The following RALYL variants were observed in gnomAD, a reference collection of about 807,000 sequenced individuals.
RALYL encodes the protein RALY RNA binding protein like.
In RALYL, 29 loss-of-function variants were observed where a neutral mutation model predicts 35.1. The observed-to-expected ratio is 0.83, with a 90% CI of 0.61 to 1.13. The LOEUF (loss-of-function observed/expected upper bound fraction) is 1.13, where lower values mean the gene tolerates loss of function less well. Among genes scored for constraint, RALYL ranks in the 50% most tolerant of loss-of-function variants. The pLI is 0.00. For synonymous variants in RALYL, 120 were observed against 127.6 expected (o/e 0.94, Z 0.40); for missense variants, 359 against 360.4 (o/e 1.00, Z 0.03).
intron 1 of RALYL, among the ~76,000 whole-genome samples, chr8:84,343,172 A>G (rs1387065099): frequency 3.3e-5 from 5 of 151,972 alleles, no homozygotes; most frequent in African/African-American, 1.2e-4. Flanking sequence ...TTCCACAGAG[A>G]GGTATGGAGG....
At chr8:84,815,321 A>G (rs1826918154) in intron 4 of RALYL, among the ~76,000 whole-genome samples, 1 of 150,636 alleles carries the variant, frequency 6.6e-6, no homozygotes, top group Non-Finnish European at 1.5e-5. Context: ...AAAATATTAA[A>G]TAATATAATT....
At chr8:84,433,132 T>A (rs1018178967) in intron 1 of RALYL, among the ~76,000 whole-genome samples, 9 of 152,154 alleles carry the variant, frequency 5.9e-5, no homozygotes, top group African/African-American at 1.9e-4. Flanking sequence ...CATCAAACAC[T>A]TCCTGTGTGT....
chr8:84,253,364 A>ATTTT, intron 1 of RALYL, among the ~76,000 whole-genome samples: 1 of 99,536 alleles, frequency 1.0e-5, no homozygotes, highest in Admixed American at 1.0e-4. Flanking sequence ...TAATTTTTGT[A>ATTTT]TTTTTTTTTT....
In RALYL at chr8:84,754,582, G is replaced by C. The variant is rs1312043943; in HGVS notation, c.257-19997G>C. ...ATGTTGAAATCCTCATACTTGAAGA[G>C]TGTTTTTCTAAGGATCCTGCCCTTG... On this transcript the variant is annotated intron_variant, in intron 2 of 8. Transcript: ENST00000521268. 4.6e-5 allele frequency among the ~76,000 whole-genome samples: 7 copies of C among 152,304 alleles called. No individual in the cohort carries two copies. The East Asian group carries it at 1.4e-3, about 29-fold the overall frequency.
intron 1 of RALYL, among the ~76,000 whole-genome samples, chr8:84,457,106 A>T (rs189928824): frequency 6.6e-6 from 1 of 151,964 alleles, no homozygotes; most frequent in East Asian, 1.9e-4. Flanking sequence ...CAACTGTAAC[A>T]CTTCCAGAAT....
chr8:84,627,496 T>G (rs898141846), intron 2 of RALYL, among the ~76,000 whole-genome samples: 2 of 149,420 alleles, frequency 1.3e-5, no homozygotes, highest in Non-Finnish European at 3.0e-5. Flanking sequence ...TTTTCAGTTT[T>G]TATCTCCTAG....
intron 1 of RALYL, among the ~76,000 whole-genome samples, chr8:84,192,017 A>C (rs1814009573): frequency 6.6e-6 from 1 of 152,250 alleles, no homozygotes; most frequent in Non-Finnish European, 1.5e-5. Context: ...CTCAAGTATT[A>C]ATTGCATCTG....
intron 2 of RALYL, among the ~76,000 whole-genome samples, chr8:84,622,526 G>A (rs1181665599): frequency 2.0e-5 from 3 of 152,170 alleles, no homozygotes; most frequent in African/African-American, 7.2e-5. Context: ...AGCAACAAAT[G>A]TGGGGAAAAG....
At chr8:84,224,814 C>A (rs1823439952) in intron 1 of RALYL, among the ~76,000 whole-genome samples, 1 of 151,908 alleles carries the variant, frequency 6.6e-6, no homozygotes, top group South Asian at 2.1e-4. Flanking sequence ...GTGCCACCAA[C>A]CCCAGCTAAT....
chr8:84,853,007 CTATCTT>C (rs1836206247), intron 5 of RALYL, among the ~76,000 whole-genome samples: 2 of 152,188 alleles, frequency 1.3e-5, no homozygotes, highest in African/African-American at 2.4e-5. Flanking sequence ...ATCAATATGA[CTATCTT>C]TAAAGCAAAA....
chr8:84,522,117 T>C (rs938163664), intron 1 of RALYL, among the ~76,000 whole-genome samples: 1 of 152,176 alleles, frequency 6.6e-6, no homozygotes, highest in African/African-American at 2.4e-5. Context: ...TATTTTAAGC[T>C]ATTTTTATTT....
chr8:84,505,815 A>T (rs1211871779), intron 1 of RALYL, among the ~76,000 whole-genome samples: 1 of 152,194 alleles, frequency 6.6e-6, no homozygotes, highest in African/African-American at 2.4e-5. Flanking sequence ...AAGCATTAAA[A>T]TTTTAATAAT....
chr8:84,607,965 C>A (rs750591061), intron 2 of RALYL, among the ~76,000 whole-genome samples: 4 of 150,990 alleles, frequency 2.6e-5, no homozygotes, highest in African/African-American at 4.9e-5. Flanking sequence ...AGTACTCAAT[C>A]GAGTTGCTGT....
chr8:84,570,669 T>C (rs772297883), intron 2 of RALYL, among the ~76,000 whole-genome samples: 2 of 151,816 alleles, frequency 1.3e-5, no homozygotes, highest in Non-Finnish European at 2.9e-5. Flanking sequence ...GTGCCAGTTC[T>C]TAGGGGAATG....
chr8:84,309,142 A>G lies in RALYL; in HGVS notation c.-24+124718A>G, dbSNP rs999682662. ...ACAAAATCACATTCTTATTATAAGT[A>G]AAAAACTTTAATTTGCCTGTCTTAG... On this transcript the variant is annotated intron_variant, in intron 1 of 8. Transcript: ENST00000521268. Among the ~76,000 whole-genome samples the G allele has an allele frequency of 7.3e-5, 11 of 151,484 alleles. 2 individuals are homozygous for G. The South Asian group carries it at 2.3e-3, about 32-fold the overall frequency.
At chr8:84,898,669 C>A (rs1313099193) in intron 8 of RALYL, among the ~76,000 whole-genome samples, 1 of 152,160 alleles carries the variant, frequency 6.6e-6, no homozygotes, top group Non-Finnish European at 1.5e-5. Flanking sequence ...TAAATGCTGG[C>A]AAGGAAGTGG....
chr8:84,498,056 T>C (rs1222616494), intron 1 of RALYL, among the ~76,000 whole-genome samples: 1 of 151,988 alleles, frequency 6.6e-6, no homozygotes, highest in African/African-American at 2.4e-5. Flanking sequence ...TGGGGTTTGA[T>C]TGAACCCATC....
intron 1 of RALYL, among the ~76,000 whole-genome samples, chr8:84,429,965 GA>G (rs944071787): frequency 6.8e-6 from 1 of 148,054 alleles, no homozygotes; most frequent in Non-Finnish European, 1.5e-5. Context: ...GAAAGGTGCA[GA>G]AAGAAACAAG....
intron 1 of RALYL, among the ~76,000 whole-genome samples, chr8:84,260,448 G>T (rs1235073954): frequency 6.6e-6 from 1 of 152,076 alleles, no homozygotes; most frequent in African/African-American, 2.4e-5. Flanking sequence ...TCTCCTCTAT[G>T]TGGCCTGCTC....
Sources: allele counts gnomAD v4.1 joint callset (sites outside exome capture counted in the v4.1 genomes callset), GRCh38; gene constraint gnomAD v4.1.1; transcripts MANE v1.5; gene names NCBI Gene and HGNC (gene_info 2026-07-23, HGNC 2026-07-21).